PEX5L: variants seen among roughly 807,000 people sequenced by gnomAD.
PEX5L encodes the protein PEX5-related protein.
A neutral mutation model predicts 84.0 loss-of-function variants in PEX5L; 30 were observed. The ratio of observed to expected loss-of-function variants is 0.36; its 90% CI spans 0.27 to 0.48. The LOEUF (loss-of-function observed/expected upper bound fraction) is 0.48, where lower values mean the gene tolerates loss of function less well. PEX5L is among the 20% of genes least tolerant of loss of function. The probability of loss-of-function intolerance (pLI) is 0.99; values close to 1 mark genes in which losing one functional copy is unlikely to be tolerated. For synonymous variants in PEX5L, 270 were observed against 283.1 expected, an observed-to-expected ratio of 0.95 and a Z score of 0.46; for missense variants, 533 against 754.6, an observed-to-expected ratio of 0.71 and a Z score of 3.44.
At chr3:179,905,446 T>A (rs1762844193) in intron 2 of PEX5L, among the ~76,000 whole-genome samples, 1 of 152,166 alleles carries the variant, frequency 6.6e-6, no homozygotes, top group Non-Finnish European at 1.5e-5. Context: ...CTAATTTTTT[T>A]GTGTTTTTAG....
At chr3:179,975,180 C>A (rs1401651905) in intron 1 of PEX5L, among the ~76,000 whole-genome samples, 1 of 151,934 alleles carries the variant, frequency 6.6e-6, no homozygotes, top group East Asian at 1.9e-4. Flanking sequence ...CAGAGTGAGA[C>A]CCTGTCTCTA....
At chr3:179,948,689 ACCCAATC>A (rs1270778485) in intron 2 of PEX5L, among the ~76,000 whole-genome samples, 1 of 152,164 alleles carries the variant, frequency 6.6e-6, no homozygotes, top group African/African-American at 2.4e-5. Context: ...CTTCACTTCT[ACCCAATC>A]CCCAATCCCC....
At chr3:179,865,896 A>G (rs1438998011) in intron 7 of PEX5L, among the ~76,000 whole-genome samples, 1 of 152,194 alleles carries the variant, frequency 6.6e-6, no homozygotes, top group Admixed American at 6.6e-5. Context: ...ATGTGTATAT[A>G]GTTCACAAAT....
At chr3:179,871,049 G>T (rs980836701) in intron 7 of PEX5L, among the ~76,000 whole-genome samples, 1 of 150,780 alleles carries the variant, frequency 6.6e-6, no homozygotes, top group African/African-American at 2.4e-5. Context: ...ATGTTGGCTT[G>T]AGAGAGAAGA....
At chr3:179,890,167 C>T (rs1438037998) in intron 3 of PEX5L, among the ~76,000 whole-genome samples, 2 of 152,238 alleles carry the variant, frequency 1.3e-5, no homozygotes, top group Non-Finnish European at 2.9e-5. Context: ...GTGTGATCAA[C>T]GCAGTGATGA....
intron 8 of PEX5L, among the ~76,000 whole-genome samples, chr3:179,853,042 CATAAAGAAGGATGA>C (rs899923380): frequency 5.3e-5 from 8 of 152,078 alleles, no homozygotes; most frequent in African/African-American, 1.9e-4. Flanking sequence ...GTGCTGGGAA[CATAAAGAAGGATGA>C]ATAAAGAAGG....
Position 179,800,068 on chromosome 3 carries a change from G to A in PEX5L, c.*1760C>T, listed in dbSNP as rs958565337. The A allele has an allele frequency of 1.3e-5, 2 of 152,178 alleles. No individual in the cohort carries two copies. Among genetic ancestry groups the A allele is most frequent in the South Asian group, 4.2e-4 (2 of 4,814 alleles). 9.4% of individuals were successfully genotyped at this position (152,178 alleles called of 1,614,324 possible). A position where few individuals can be genotyped will look rare whatever the true frequency, so the allele number is the denominator to read the frequency against. On this transcript the variant is annotated 3_prime_UTR_variant, in exon 15 of 15. Coordinates refer to ENST00000467460, the MANE Select transcript of PEX5L (RefSeq NM_016559.3). ...CTAGAATAGGTTATAACATATGTAA[G>A]CCTCAAGGACTTGTGGTTTCTGTTA...
intron 1 of PEX5L, among the ~76,000 whole-genome samples, chr3:179,985,942 CAG>C (rs900109251): frequency 3.9e-5 from 6 of 152,084 alleles, no homozygotes; most frequent in African/African-American, 1.4e-4. Context: ...GTGGCCCATG[CAG>C]AGTCCTTCAA....
chr3:179,997,997 T>C (rs1788051841), intron 1 of PEX5L, among the ~76,000 whole-genome samples: 1 of 152,198 alleles, frequency 6.6e-6, no homozygotes, highest in African/African-American at 2.4e-5. Flanking sequence ...GTCCATTACA[T>C]TGATGACATT....
intron 7 of PEX5L, among the ~76,000 whole-genome samples, chr3:179,868,576 C>T (rs981718383): frequency 2.0e-5 from 3 of 152,122 alleles, no homozygotes; most frequent in Admixed American, 1.3e-4. Context: ...TGGGGAAATT[C>T]GCATCTGTAG....
chr3:179,809,681 AAG>A lies in PEX5L; in HGVS notation c.1155-15_1155-14del. 1.9e-6 allele frequency: 3 copies of A among 1,577,048 alleles called. No individual in the cohort carries two copies. Among genetic ancestry groups the A allele is most frequent in the African/African-American group, 1.4e-5 (1 of 72,368 alleles). On this transcript the variant is annotated splice_polypyrimidine_tract_variant and intron_variant, in intron 11 of 14. Transcript: ENST00000467460. ...TAATTCTAAGCACCTGAAAAAAAAAAAGAAGCCAATTTCAGATTTTTTTTTGA... is the reference window on the plus strand; with the variant it reads ...TAATTCTAAGCACCTGAAAAAAAAAAAAGCCAATTTCAGATTTTTTTTTGA...
chr3:179,838,812 T>C lies in PEX5L; in HGVS notation c.823-18836A>G, dbSNP rs1735955996. Among the ~76,000 whole-genome samples, 3 of 152,296 alleles carry C rather than the reference T, an allele frequency of 2.0e-5. No individual in the cohort carries two copies. In the South Asian group the frequency reaches 6.2e-4, roughly 32 times the overall value. Reference sequence around the variant, plus strand: ...TTTAAAAAGAAATAATTTAGCCATCTATTGATTGTTTTTACTTAAGAAGGA... The same window carrying C: ...TTTAAAAAGAAATAATTTAGCCATCCATTGATTGTTTTTACTTAAGAAGGA... On this transcript the variant is annotated intron_variant, in intron 8 of 14. Coordinates refer to ENST00000467460, the MANE Select transcript of PEX5L (RefSeq NM_016559.3).
intron 1 of PEX5L, among the ~76,000 whole-genome samples, chr3:180,027,865 G>C (rs561867785): frequency 1.3e-5 from 2 of 152,150 alleles, no homozygotes; most frequent in African/African-American, 4.8e-5. Context: ...AACACAATCT[G>C]CTTATTTTAT....
At chr3:179,868,045 T>TTC (rs1748992830) in intron 7 of PEX5L, among the ~76,000 whole-genome samples, 2 of 106,264 alleles carry the variant, frequency 1.9e-5, no homozygotes, top group Non-Finnish European at 4.3e-5. Context: ...TCTTCTTCTT[T>TTC]TTTTTTTTTT....
At chr3:179,883,484 T>C (rs760353698) in intron 4 of PEX5L, among the ~76,000 whole-genome samples, 2 of 152,228 alleles carry the variant, frequency 1.3e-5, no homozygotes, top group Non-Finnish European at 2.9e-5. Context: ...AGGACAGTGG[T>C]TAAGACTGTC....
At chr3:180,024,383 A>ACACAC (rs1252297183) in intron 1 of PEX5L, among the ~76,000 whole-genome samples, 7 of 110,022 alleles carry the variant, frequency 6.4e-5, no homozygotes, top group African/African-American at 1.3e-4. Context: ...TACACACACA[A>ACACAC]AAAAAAAAAA....
intron 2 of PEX5L, among the ~76,000 whole-genome samples, chr3:179,943,031 T>C (rs571517393): frequency 6.6e-5 from 10 of 152,332 alleles, no homozygotes; most frequent in Admixed American, 3.3e-4. Context: ...TCCAGTGTCG[T>C]TGTGTGACAA....
At chr3:179,819,431 A>G (rs976822269) in intron 9 of PEX5L, among the ~76,000 whole-genome samples, 4 of 152,168 alleles carry the variant, frequency 2.6e-5, no homozygotes, top group African/African-American at 9.7e-5. Flanking sequence ...ACCACCTGTG[A>G]AATATAGCCC....
intron 1 of PEX5L, among the ~76,000 whole-genome samples, chr3:179,974,669 T>G (rs1313999039): frequency 6.6e-6 from 1 of 152,190 alleles, no homozygotes; most frequent in Non-Finnish European, 1.5e-5. Context: ...AAGAGACGTA[T>G]CTTTGTTAGT....
Sources: allele counts gnomAD v4.1 joint callset (sites outside exome capture counted in the v4.1 genomes callset), GRCh38; gene constraint gnomAD v4.1.1; transcripts MANE v1.5; gene names NCBI Gene and HGNC (gene_info 2026-07-23, HGNC 2026-07-21).